Variants in DPF3 observed in about 807,000 individuals in gnomAD.
DPF3 encodes the protein double PHD fingers 3.
In DPF3, 18 loss-of-function variants were observed where a neutral mutation model predicts 56.8. The observed-to-expected ratio is 0.32, with a 90% CI of 0.22 to 0.47. The LOEUF is 0.47. Ranked by LOEUF, DPF3 falls within the 20% of genes least tolerant of loss-of-function variation. DPF3 has a pLI of 1.00. For synonymous variants in DPF3, 188 were observed against 180.2 expected (o/e 1.04, Z -0.35); for missense variants, 403 against 488.8 (o/e 0.82, Z 1.65).
At chr14:72,890,735 A>T (rs1599529917) in intron 1 of DPF3, among the ~76,000 whole-genome samples, 1 of 152,338 alleles carries the variant, frequency 6.6e-6, no homozygotes, top group East Asian at 1.9e-4. Flanking sequence ...ACACATTTAC[A>T]CATCATACAT....
chr14:72,882,654 AC>A lies in DPF3; in HGVS notation c.32+11402del, dbSNP rs894050265. On this transcript the variant is annotated intron_variant, in intron 1 of 10. Transcript: ENST00000556509. ...CTTAGCATTCATCACAGGCAGAACT[AC>A]CATAGAGCGCTCCCACGATAATAGA... is the stretch of plus-strand genomic sequence containing the variant. 4.6e-5 allele frequency among the ~76,000 whole-genome samples: 7 copies of A among 152,176 alleles called. No homozygotes were observed. In the South Asian group the frequency reaches 1.4e-3, roughly 32 times the overall value.
chr14:72,783,069 C>A (rs1374890573), intron 1 of DPF3, among the ~76,000 whole-genome samples: 2 of 152,100 alleles, frequency 1.3e-5, no homozygotes, highest in East Asian at 3.9e-4. Context: ...CACCTCAGGA[C>A]CTTTGCATAT....
At chr14:72,801,802 C>T (rs896657728) in intron 1 of DPF3, among the ~76,000 whole-genome samples, 6 of 152,168 alleles carry the variant, frequency 3.9e-5, no homozygotes, top group South Asian at 2.1e-4. Context: ...AGACACAACA[C>T]GGGAGGACCT....
chr14:72,814,329 C>T (rs1221584998), intron 1 of DPF3, among the ~76,000 whole-genome samples: 1 of 151,392 alleles, frequency 6.6e-6, no homozygotes, highest in Non-Finnish European at 1.5e-5. Context: ...CTTCATCATA[C>T]TTGGGGGATG....
At chr14:72,697,286 T>C (rs1887944825) in intron 6 of DPF3, among the ~76,000 whole-genome samples, 1 of 152,066 alleles carries the variant, frequency 6.6e-6, no homozygotes, top group African/African-American at 2.4e-5. Context: ...CCCAGACCCC[T>C]CCATGGAGGA....
At chr14:72,888,650 C>T (rs1487830924) in intron 1 of DPF3, among the ~76,000 whole-genome samples, 2 of 152,194 alleles carry the variant, frequency 1.3e-5, no homozygotes, top group African/African-American at 4.8e-5. Flanking sequence ...TCCATCTTTC[C>T]TTGTTAACTA....
At chr14:72,748,090 G>A (rs1293752651) in intron 3 of DPF3, among the ~76,000 whole-genome samples, 1 of 152,234 alleles carries the variant, frequency 6.6e-6, no homozygotes, top group African/African-American at 2.4e-5. Flanking sequence ...GAAAAGTTTG[G>A]ACGGCTCAGA....
chr14:72,666,193 A>G (rs1189514160), intron 8 of DPF3, among the ~76,000 whole-genome samples: 2 of 152,206 alleles, frequency 1.3e-5, no homozygotes, highest in Non-Finnish European at 2.9e-5. Flanking sequence ...ACTCCCTGCC[A>G]CCATTACTCC....
At chr14:72,847,884 C>G (rs1035382954) in intron 1 of DPF3, among the ~76,000 whole-genome samples, 5 of 152,228 alleles carry the variant, frequency 3.3e-5, no homozygotes, top group African/African-American at 9.6e-5. Flanking sequence ...CTGCTCCAAA[C>G]TACATTTCCC....
chr14:72,753,447 T>C, intron 2 of DPF3, 76 bp from the exon 3 acceptor site: 1 of 1,127,266 alleles, frequency 8.9e-7, no homozygotes, highest in East Asian at 2.7e-5. Context: ...ACTAACCCCG[T>C]CATTCACAAG....
chr14:72,663,059 A>C (rs762999061), intron 8 of DPF3, among the ~76,000 whole-genome samples: 1 of 150,960 alleles, frequency 6.6e-6, no homozygotes, highest in Non-Finnish European at 1.5e-5. Context: ...CAGCAGCATG[A>C]GATCAGCCAG....
chr14:72,652,721 A>G (rs1007239580), intron 8 of DPF3, among the ~76,000 whole-genome samples: 3 of 152,196 alleles, frequency 2.0e-5, no homozygotes, highest in African/African-American at 7.2e-5. Context: ...GTGGGTGCAT[A>G]AAACAGAACA....
chr14:72,664,584 TC>T (rs1323386867), intron 8 of DPF3, among the ~76,000 whole-genome samples: 1 of 141,426 alleles, frequency 7.1e-6, no homozygotes, highest in African/African-American at 2.7e-5. Context: ...TGTCCTGACA[TC>T]CCCCTTTTCT....
chr14:72,626,286 A>G (rs1884823840), intron 9 of DPF3, among the ~76,000 whole-genome samples: 1 of 151,690 alleles, frequency 6.6e-6, no homozygotes, highest in Non-Finnish European at 1.5e-5. Flanking sequence ...TCATTTTCCC[A>G]TTTTTCTCTA....
chr14:72,631,652 C>T (rs1428435084), intron 8 of DPF3, among the ~76,000 whole-genome samples: 1 of 152,200 alleles, frequency 6.6e-6, no homozygotes, highest in Non-Finnish European at 1.5e-5. Context: ...CATTAACTTA[C>T]GAAGTACTTA....
intron 8 of DPF3, chr14:72,670,775 T>C (rs1307143236): frequency 1.9e-6 from 2 of 1,026,394 alleles, no homozygotes; most frequent in African/African-American, 3.4e-5. Flanking sequence ...CCAATAAATA[T>C]GAAAATTGAG....
chr14:72,788,744 CACA>C (rs536733116), intron 1 of DPF3, among the ~76,000 whole-genome samples: 7 of 152,266 alleles, frequency 4.6e-5, no homozygotes, highest in African/African-American at 1.7e-4. Flanking sequence ...GTGGAAGGGT[CACA>C]ACAACTTTTA....
At chr14:72,693,241 G>A in intron 6 of DPF3, 28 bp from the exon 7 acceptor site, 1 of 1,612,220 alleles carries the variant, frequency 6.2e-7, no homozygotes, top group South Asian at 1.1e-5. Context: ...AAAAAAGGGA[G>A]AGATACAAAT....
intron 1 of DPF3, among the ~76,000 whole-genome samples, chr14:72,815,307 T>A (rs1883236266): frequency 6.6e-6 from 1 of 152,132 alleles, no homozygotes; most frequent in African/African-American, 2.4e-5. Context: ...TCTATTATAA[T>A]GGCTAAAATT....
Sources: gnomAD v4.1 joint callset for allele counts (sites outside exome capture counted in the v4.1 genomes callset) on GRCh38, gnomAD v4.1.1 for gene constraint, MANE v1.5 for transcripts, NCBI Gene and HGNC (gene_info 2026-07-23, HGNC 2026-07-21) for gene names.